Variants in SH3D19 observed in about 807,000 individuals in gnomAD.
SH3D19 encodes SH3 domain-containing protein 19.
In SH3D19, 58 loss-of-function variants were observed where a neutral mutation model predicts 112.1. That is an observed-to-expected ratio of 0.52 (90% CI 0.42 to 0.64). The LOEUF (loss-of-function observed/expected upper bound fraction) is 0.64. SH3D19 is among the 30% of genes least tolerant of loss of function. The pLI, the probability that SH3D19 is intolerant of heterozygous loss-of-function variation, is 0.00. For synonymous variants in SH3D19, 391 were observed against 448.5 expected (o/e 0.87, Z 1.62); for missense variants, 1,090 against 1,263.4 (o/e 0.86, Z 2.08).
At position 151,191,832 on chromosome 4, in the gene SH3D19, A is replaced by C. The variant is rs184313207; in HGVS notation, c.153-4369T>G. ...AGCTAAATTTTTGTATTTTTAGTAG[A>C]GATGGGGTTTCATCATGTTAGCCAG... On this transcript the variant is annotated intron_variant, in intron 2 of 19. Coordinates refer to ENST00000604030, the MANE Select transcript of SH3D19 (RefSeq NM_001378122.1). Among the ~76,000 whole-genome samples the C allele has an allele frequency of 7.0e-3, 1,070 of 151,946 alleles. 13 individuals carry two copies. Among genetic ancestry groups the C allele is most frequent in the African/African-American group, 0.024 (1,008 of 41,428 alleles).
chr4:151,231,850 G>T (rs893603359), intron 1 of SH3D19, among the ~76,000 whole-genome samples: 9 of 152,192 alleles, frequency 5.9e-5, no homozygotes, highest in African/African-American at 2.2e-4. Flanking sequence ...TACCCAGGAA[G>T]GGAAGAATTG....
intron 1 of SH3D19, among the ~76,000 whole-genome samples, chr4:151,284,067 C>T (rs1018824357): frequency 2.6e-5 from 4 of 151,998 alleles, no homozygotes; most frequent in African/African-American, 7.2e-5. Context: ...TGCATTTATC[C>T]TATTTGGGGT....
chr4:151,210,270 T>C (rs1765744743), intron 2 of SH3D19, among the ~76,000 whole-genome samples: 1 of 152,168 alleles, frequency 6.6e-6, no homozygotes, highest in Admixed American at 6.6e-5. Context: ...AGTAAAATCT[T>C]GAAATAACCT....
chr4:151,285,183 G>C (rs1487016798), intron 1 of SH3D19, among the ~76,000 whole-genome samples: 1 of 152,188 alleles, frequency 6.6e-6, no homozygotes, highest in African/African-American at 2.4e-5. Context: ...CCTTCAGAGA[G>C]TAGCCTTTTA....
intron 9 of SH3D19, among the ~76,000 whole-genome samples, chr4:151,156,692 AC>A (rs1233492063): frequency 6.6e-6 from 1 of 152,164 alleles, no homozygotes; most frequent in Non-Finnish European, 1.5e-5. Context: ...TAAATCTAAG[AC>A]CTGAAACAAT....
chr4:151,150,324 T>C (rs958874163), intron 9 of SH3D19, among the ~76,000 whole-genome samples: 2 of 133,650 alleles, frequency 1.5e-5, no homozygotes, highest in Admixed American at 7.8e-5. Context: ...TATATATACA[T>C]ATATATATAT....
chr4:151,271,482 C>G (rs2149997740), intron 1 of SH3D19, among the ~76,000 whole-genome samples: 1 of 152,276 alleles, frequency 6.6e-6, no homozygotes, highest in East Asian at 1.9e-4. Context: ...TTGGCAATGT[C>G]TGGGGATATT....
intron 1 of SH3D19, among the ~76,000 whole-genome samples, chr4:151,296,241 T>C (rs1185486110): frequency 6.6e-6 from 1 of 152,170 alleles, no homozygotes; most frequent in Non-Finnish European, 1.5e-5. Flanking sequence ...TGTAATATAT[T>C]TAGGGCTCTT....
At chr4:151,244,922 T>TCAC (rs1024188919) in intron 1 of SH3D19, among the ~76,000 whole-genome samples, 24 of 152,062 alleles carry the variant, frequency 1.6e-4, no homozygotes, top group Non-Finnish European at 5.9e-5. Flanking sequence ...GGCGGGCAGA[T>TCAC]CACGAGGTCA....
intron 1 of SH3D19, among the ~76,000 whole-genome samples, chr4:151,312,915 T>A (rs12643273): frequency 0.028 from 4,060 of 145,388 alleles, 257 homozygotes; most frequent in South Asian, 0.25. Context: ...AAAAAAAAAA[T>A]AAATAAAATA....
intron 1 of SH3D19, among the ~76,000 whole-genome samples, chr4:151,257,202 C>T (rs1160482521): frequency 2.0e-5 from 3 of 152,084 alleles, no homozygotes; most frequent in Non-Finnish European, 4.4e-5. Context: ...GTTCTCCTGC[C>T]TCAGCCTCCC....
At chr4:151,164,839 A>G (rs897874556) in intron 8 of SH3D19, among the ~76,000 whole-genome samples, 2 of 152,156 alleles carry the variant, frequency 1.3e-5, no homozygotes, top group Non-Finnish European at 2.9e-5. Flanking sequence ...TGGCCTCCCA[A>G]AGTGCTGGGA....
At chr4:151,150,266 CAT>C (rs1218007947) in intron 9 of SH3D19, among the ~76,000 whole-genome samples, 1 of 90,020 alleles carries the variant, frequency 1.1e-5, no homozygotes, top group African/African-American at 3.7e-5. Flanking sequence ...CATATATATA[CAT>C]ATATATACAC....
intron 1 of SH3D19, among the ~76,000 whole-genome samples, chr4:151,248,658 A>G (rs1177482677): frequency 2.0e-5 from 3 of 152,194 alleles, no homozygotes; most frequent in African/African-American, 7.2e-5. Context: ...AGGTCAACAG[A>G]AAGCAAACTC....
At chr4:151,185,096 A>C (rs1219922034) in intron 3 of SH3D19, among the ~76,000 whole-genome samples, 1 of 45,834 alleles carries the variant, frequency 2.2e-5, no homozygotes. Context: ...TTAAGCTTTT[A>C]TTGCCCATGT....
chr4:151,236,975 A>G (rs1355962467), intron 1 of SH3D19, among the ~76,000 whole-genome samples: 2 of 152,202 alleles, frequency 1.3e-5, no homozygotes, highest in Non-Finnish European at 2.9e-5. Flanking sequence ...AAAGCAGGCC[A>G]CCCAAGCCAG....
At chr4:151,251,582 C>T (rs998738231) in intron 1 of SH3D19, among the ~76,000 whole-genome samples, 5 of 152,140 alleles carry the variant, frequency 3.3e-5, no homozygotes, top group African/African-American at 1.2e-4. Flanking sequence ...AATCTACTGA[C>T]TTTATCTCGC....
chr4:151,166,792 G>T (rs1758112524), intron 7 of SH3D19, among the ~76,000 whole-genome samples: 1 of 152,156 alleles, frequency 6.6e-6, no homozygotes, highest in South Asian at 2.1e-4. Context: ...GCTCTTTGCA[G>T]GATACGTGAA....
intron 2 of SH3D19, among the ~76,000 whole-genome samples, chr4:151,221,488 C>T (rs1768034538): frequency 6.6e-6 from 1 of 152,180 alleles, no homozygotes; most frequent in Non-Finnish European, 1.5e-5. Flanking sequence ...ATGTCCTTTC[C>T]TGAAAAAACA....
Sources: gnomAD v4.1 joint callset for allele counts (sites outside exome capture counted in the v4.1 genomes callset) on GRCh38, gnomAD v4.1.1 for gene constraint, MANE v1.5 for transcripts, NCBI Gene and HGNC (gene_info 2026-07-23, HGNC 2026-07-21) for gene names.